Variants in GGH observed in about 807,000 individuals in gnomAD.
GGH encodes gamma-Glu-X carboxypeptidase.
Under a neutral mutation model 39.2 loss-of-function variants are expected in GGH, and 18 were observed. The observed-to-expected ratio is 0.46, with a 90% CI of 0.32 to 0.68. GGH has a LOEUF of 0.68. GGH is among the 30% of genes least tolerant of loss of function. GGH has a pLI of 0.04. For missense variants in GGH, 367 were observed against 384.1 expected (o/e 0.96, Z 0.37); for synonymous variants, 147 against 138.8 (o/e 1.06, Z -0.42).
rs536129594 is a variant in GGH, at chr8:63,021,099, C to G, written c.697+2808G>C. Among the ~76,000 whole-genome samples, 8 of 152,268 alleles carry G rather than the reference C, an allele frequency of 5.3e-5. No individual in the cohort carries two copies. In the South Asian group the frequency reaches 1.7e-3, roughly 32 times the overall value. The stretch of plus-strand genomic sequence containing the variant: ...CCCAACCTTTCCTTAGATTTACCAC[C>G]GAACATTGTTTCTTTTTTGCCAAAT... On this transcript the variant is annotated intron_variant, in intron 7 of 8. Coordinates refer to ENST00000260118, the MANE Select transcript of GGH (RefSeq NM_003878.3).
intron 7 of GGH, among the ~76,000 whole-genome samples, chr8:63,022,216 T>TC (rs926411311): frequency 1.3e-4 from 20 of 152,116 alleles, no homozygotes; most frequent in Admixed American, 1.3e-3. Flanking sequence ...ATAAAGACAT[T>TC]CTCCTTTATT....
At position 63,033,904 on chromosome 8, in the gene GGH, G is replaced by A. The variant is rs372160742; in HGVS notation, c.224+1752C>T. Among the ~76,000 whole-genome samples, 27 of 151,142 alleles carry A rather than the reference G, an allele frequency of 1.8e-4. No individual in the cohort carries two copies. The East Asian group carries it at 4.1e-3, about 23-fold the overall frequency. ...TTTCTGTTTCTGCATTAATTCACTT[G>A]GGCCTCCAGCTGCATTCACATTGCA... On this transcript the variant is annotated intron_variant, in intron 2 of 8. Transcript: ENST00000260118.
At chr8:63,027,870 T>C (rs953116902) in intron 3 of GGH, among the ~76,000 whole-genome samples, 1 of 152,090 alleles carries the variant, frequency 6.6e-6, no homozygotes, top group Admixed American at 6.6e-5. Context: ...TCAAAAATAT[T>C]TGATATTATT....
chr8:63,027,244 A>G lies in GGH; in HGVS notation c.297T>C (p.Ser99=). 6.3e-7 allele frequency: 1 copy of G among 1,596,938 alleles called. No individual in the cohort carries two copies. Among genetic ancestry groups the G allele is most frequent in the Non-Finnish European group, 8.6e-7 (1 of 1,164,570 alleles). ...SINGILFPGG[S]VDLRRSDYAK... is the part of the protein sequence containing the mutation. ...CATAATCTGAGCGTCTGAGGTCAAC[A>G]CTTCCTCCAGGGAAAAGGATTCTGA... Residue 99 remains serine (S), a synonymous_variant, in exon 4 of 9, where the codon AGT becomes AGC. Transcript: ENST00000260118.
intron 8 of GGH, 110 bp from the exon 9 acceptor site, chr8:63,015,563 C>T (rs1459921459): frequency 5.1e-6 from 3 of 592,230 alleles, no homozygotes; most frequent in Non-Finnish European, 8.5e-6. Context: ...AAAATATCAA[C>T]AAGAAGAGAA....
At chr8:63,027,665 G>T (rs1804719199) in intron 3 of GGH, among the ~76,000 whole-genome samples, 1 of 152,024 alleles carries the variant, frequency 6.6e-6, no homozygotes. Context: ...CATAATTATG[G>T]GTAGGTTTTA....
At chr8:63,023,006 C>T (rs1022008778) in intron 7 of GGH, among the ~76,000 whole-genome samples, 1 of 152,172 alleles carries the variant, frequency 6.6e-6, no homozygotes, top group Non-Finnish European at 1.5e-5. Flanking sequence ...TTCTCATTCA[C>T]AGTGCTTGCT....
chr8:63,023,316 AG>A (rs1431484753), intron 7 of GGH, among the ~76,000 whole-genome samples: 1 of 152,172 alleles, frequency 6.6e-6, no homozygotes, highest in Non-Finnish European at 1.5e-5. Context: ...CCCAAAGCTC[AG>A]GATGGGCAAT....
At chr8:63,017,672 A>C (rs751111352) in intron 7 of GGH, 42 bp from the exon 8 acceptor site, 31 of 1,218,362 alleles carry the variant, frequency 2.5e-5, no homozygotes, top group Non-Finnish European at 3.0e-5. Context: ...AGAATGGTTT[A>C]AAATGTTACT....
intron 1 of GGH, among the ~76,000 whole-genome samples, chr8:63,037,424 C>A (rs1804932798): frequency 6.6e-6 from 1 of 152,084 alleles, no homozygotes; most frequent in South Asian, 2.1e-4. Flanking sequence ...CCCCTGGGCC[C>A]ACGCATATTC....
At chr8:63,024,583 G>T in intron 5 of GGH, 1 of 161,048 alleles carries the variant, frequency 6.2e-6, no homozygotes, top group Non-Finnish European at 1.4e-5. Context: ...TATTTTCAGA[G>T]GTATCTGGGA....
chr8:63,019,439 G>C (rs989565051), intron 7 of GGH, among the ~76,000 whole-genome samples: 3 of 152,174 alleles, frequency 2.0e-5, no homozygotes, highest in African/African-American at 7.2e-5. Flanking sequence ...ATTTTTAACA[G>C]GTGGGATCAA....
chr8:63,015,895 C>T (rs1804479800), intron 8 of GGH, among the ~76,000 whole-genome samples: 2 of 152,168 alleles, frequency 1.3e-5, no homozygotes, highest in Admixed American at 1.3e-4. Context: ...GGTCCTAACA[C>T]TCAAAAAGCT....
At chr8:63,023,718 T>C (rs1804635898) in intron 7 of GGH, 189 bp downstream of exon 7, 1 of 375,242 alleles carries the variant, frequency 2.7e-6, no homozygotes, top group East Asian at 4.0e-5. Context: ...CACCACCCCA[T>C]TCAGGAAAAT....
intron 8 of GGH, 124 bp from the exon 9 acceptor site, chr8:63,015,577 C>T (rs184311173): frequency 2.8e-5 from 15 of 534,424 alleles, no homozygotes; most frequent in East Asian, 6.9e-5. Context: ...AAGAGAAATG[C>T]GACTGCTCTT....
chr8:63,017,508 A>T lies in GGH; in HGVS notation c.820T>A (p.Phe274Ile), dbSNP rs1585664792. 1.2e-6 allele frequency: 2 copies of T among 1,609,706 alleles called. No individual in the cohort carries two copies. Among genetic ancestry groups the T allele is most frequent in the Non-Finnish European group, 8.5e-7 (1 of 1,178,266 alleles). Residue 274 changes from phenylalanine (F) to isoleucine (I), a missense_variant, in exon 8 of 9, where the codon TTT (phenylalanine) becomes ATT (isoleucine). Coordinates refer to ENST00000260118, the MANE Select transcript of GGH (RefSeq NM_003878.3). ...AVKTAFYLAE[F>I]FVNEARKNNH... The stretch of plus-strand genomic sequence containing the variant: ...CTCATATTACCTTCATTAACAAAAA[A>T]CTCTGCTAAATAAAATGCGGTTTTC...
chr8:63,026,299 T>C lies in GGH; in HGVS notation c.361-3A>G, dbSNP rs1438968554. ...AAATAGTCTCCATCATCAAAACTCTTTGCAAGTGGAAAAAGAGAAAACTAA... is the reference window on the plus strand; with the variant it reads ...AAATAGTCTCCATCATCAAAACTCTCTGCAAGTGGAAAAAGAGAAAACTAA... On this transcript the variant is annotated splice_polypyrimidine_tract_variant and splice_region_variant and intron_variant, in intron 4 of 8. Transcript: ENST00000260118. The C allele has an allele frequency of 3.2e-5, 51 of 1,589,858 alleles. No homozygotes were observed. The highest frequency in any genetic ancestry group is 4.3e-5 in the Non-Finnish European group (50 of 1,171,440).
intron 2 of GGH, among the ~76,000 whole-genome samples, chr8:63,030,455 A>C (rs1326068710): frequency 6.6e-6 from 1 of 152,234 alleles, no homozygotes; most frequent in Non-Finnish European, 1.5e-5. Context: ...GCAATTTAAT[A>C]TTGTGAAGTA....
At chr8:63,025,760 T>G (rs1365282237) in intron 5 of GGH, among the ~76,000 whole-genome samples, 1 of 151,938 alleles carries the variant, frequency 6.6e-6, no homozygotes, top group Non-Finnish European at 1.5e-5. Flanking sequence ...TTATTTAATA[T>G]TCACAAAAAA....
Sources: allele counts gnomAD v4.1 joint callset (sites outside exome capture counted in the v4.1 genomes callset), GRCh38; gene constraint gnomAD v4.1.1; transcripts MANE v1.5; gene names NCBI Gene and HGNC (gene_info 2026-07-23, HGNC 2026-07-21).